ILK: variants seen among roughly 807,000 people sequenced by gnomAD.
ILK encodes the protein integrin linked kinase, also known as scaffold protein ILK.
ILK carries 37 observed loss-of-function variants against 57.8 expected under a neutral mutation model. The observed-to-expected ratio is 0.64, with a 90% CI of 0.49 to 0.84. ILK has a LOEUF of 0.84. ILK is among the 40% of genes least tolerant of loss of function. The probability of loss-of-function intolerance (pLI) is 0.00; values close to 1 mark genes in which losing one functional copy is unlikely to be tolerated. For synonymous variants in ILK, 231 were observed against 202.2 expected, an observed-to-expected ratio of 1.14 and a Z score of -1.21; for missense variants, 528 against 595.7, an observed-to-expected ratio of 0.89 and a Z score of 1.18.
At chr11:6,606,551 G>A (rs2134538923) in intron 2 of ILK, 1 of 146,034 alleles carries the variant, frequency 6.8e-6, no homozygotes, top group African/African-American at 2.5e-5. Context: ...AGTGGGCCTA[G>A]CATCTAGGAA....
chr11:6,604,414 T>C (rs1854615129), intron 2 of ILK, 54 bp downstream of exon 2: 5 of 1,456,222 alleles, frequency 3.4e-6, no homozygotes, highest in Non-Finnish European at 4.7e-6. Context: ...CCTGGCTACG[T>C]GGAGTGGAGT....
Position 6,609,806 on chromosome 11 carries a change from C to T in ILK, c.939C>T (p.Pro313=), listed in dbSNP as rs2134568472. 6.2e-7 allele frequency: 1 copy of T among 1,614,170 alleles called. No homozygotes were observed. Among genetic ancestry groups the T allele is most frequent in the Non-Finnish European group, 8.5e-7 (1 of 1,180,024 alleles). The change falls in exon 10 of 13, where the codon CCC becomes CCT. Residue 313 remains proline, a synonymous_variant. Coordinates refer to ENST00000299421, the MANE Select transcript of ILK (RefSeq NM_004517.4). ...RGMAFLHTLE[P]LIPRHALNSR... is the part of the protein sequence containing the mutation. Reference sequence around the variant, plus strand: ...TGGCCTTCCTACACACACTAGAGCCCCTCATCCCACGACATGCACTCAATA... The same window carrying T: ...TGGCCTTCCTACACACACTAGAGCCTCTCATCCCACGACATGCACTCAATA...
chr11:6,610,003 G>A lies in ILK; in HGVS notation c.1046G>A (p.Arg349His), dbSNP rs377094824. ...DVKFSFQCPG[R>H]MYAPAWVAPE... is the part of the protein sequence containing the mutation. The stretch of plus-strand genomic sequence containing the variant: ...AAGTTCTCTTTCCAATGTCCTGGTC[G>A]CATGTATGCACCTGCCTGGGTAGCC... Residue 349 changes from arginine to histidine, a missense_variant, in exon 11 of 13, where the codon CGC becomes CAC. Physicochemically the swap from Arg to His is conservative, Grantham distance 29. Transcript: ENST00000299421. 63 of 1,614,152 alleles carry A rather than the reference G, an allele frequency of 3.9e-5. No homozygotes were observed. The highest frequency in any genetic ancestry group is 1.3e-4 in the East Asian group (6 of 44,884).
intron 1 of ILK, 69 bp downstream of exon 1, chr11:6,603,891 C>A (rs894035378): frequency 4.8e-6 from 2 of 415,928 alleles, no homozygotes; most frequent in Non-Finnish European, 8.8e-6. Flanking sequence ...AGGAACGGAG[C>A]CAACCCTGGG....
At position 6,609,528 on chromosome 11, in the gene ILK, A is replaced by G; in HGVS notation, c.745A>G (p.Asn249Asp). 4.3e-6 allele frequency: 7 copies of G among 1,614,084 alleles called. No individual in the cohort carries two copies. In the South Asian group the frequency reaches 7.7e-5, roughly 18 times the overall value. Residue 249 changes from asparagine to aspartate, a missense_variant, in exon 9 of 13, where the codon AAT (asparagine) becomes GAT (aspartate). Transcript: ENST00000299421. ...CTCTTCTAGGATTTTCTCGCATCCA[A>G]ATGTGCTCCCAGTGCTAGGTGCCTG... ...CPRLRIFSHPNVLPVLGACQS... is the reference protein window; with the variant it reads ...CPRLRIFSHPDVLPVLGACQS...
intron 2 of ILK, chr11:6,607,700 G>A (rs1176309650): frequency 8.5e-6 from 3 of 352,124 alleles, no homozygotes; most frequent in African/African-American, 6.3e-5. Context: ...TGAAGTAGGG[G>A]GACATATAAG....
In ILK at chr11:6,608,388, G is replaced by A. The variant is rs953851382; in HGVS notation, c.256-6G>A. On this transcript the variant is annotated splice_region_variant and splice_polypyrimidine_tract_variant and intron_variant, in intron 3 of 12. Coordinates refer to ENST00000299421, the MANE Select transcript of ILK (RefSeq NM_004517.4). This position sits in a 1 kb window ranked among gnomAD's most constrained non-coding sequence, Gnocchi z 4.9. ...CCTCTTCTTTTTGTCTGGCCATGGGGTCCAGCTATTGCAGTACAAGGCAGA... is the reference window on the plus strand; with the variant it reads ...CCTCTTCTTTTTGTCTGGCCATGGGATCCAGCTATTGCAGTACAAGGCAGA... The A allele has an allele frequency of 3.1e-6, 5 of 1,612,998 alleles. No homozygotes were observed. The highest frequency in any genetic ancestry group is 4.2e-6 in the Non-Finnish European group (5 of 1,179,064).
intron 2 of ILK, 22 bp downstream of exon 2, chr11:6,604,382 A>G (rs1050874733): frequency 6.3e-7 from 1 of 1,584,950 alleles, no homozygotes; most frequent in African/African-American, 1.3e-5. Flanking sequence ...CGGTTGGTGG[A>G]TGAGAGGAAG....
Position 6,608,712 on chromosome 11 carries a change from G to T in ILK, c.370G>T (p.Ala124Ser), listed in dbSNP as rs745709169. 4.5e-5 allele frequency: 72 copies of T among 1,613,998 alleles called. No individual in the cohort carries two copies. The Middle Eastern group carries it at 6.6e-4, about 15-fold the overall frequency. Reference protein sequence around the residue: ...QVAEDLVANGALVSICNKYGE... With the variant: ...QVAEDLVANGSLVSICNKYGE... ...ATTCCAGGACCTGGTGGCAAATGGG[G>T]CCCTTGTCAGCATCTGTAACAAGTA... The change falls in exon 5 of 13, where the codon GCC becomes TCC. Residue 124 changes from alanine (A) to serine (S), a missense_variant. By Grantham distance (99) the Ala-to-Ser change is moderately conservative (BLOSUM62 1). Coordinates refer to ENST00000299421, the MANE Select transcript of ILK (RefSeq NM_004517.4). This position sits in a 1 kb window ranked among gnomAD's most constrained non-coding sequence, Gnocchi z 4.9.
intron 9 of ILK, 26 bp from the exon 10 acceptor site, chr11:6,609,698 A>G (rs1855307063): frequency 1.4e-5 from 23 of 1,614,158 alleles, no homozygotes; most frequent in Non-Finnish European, 1.9e-5. Flanking sequence ...GCCTCTCTGA[A>G]CTATTTGACT....
chr11:6,604,137 G>A (rs894322823), intron 1 of ILK, 43 bp from the exon 2 acceptor site: 10 of 807,042 alleles, frequency 1.2e-5, no homozygotes, highest in Non-Finnish European at 2.1e-5. Context: ...CGGGGACGCA[G>A]CTCAGGCCCC....
chr11:6,608,162 C>T lies in ILK; in HGVS notation c.206C>T (p.Thr69Ile), dbSNP rs763031937. Residue 69 changes from threonine (T) to isoleucine (I), a missense_variant, in exon 3 of 13, where the codon ACC becomes ATC. Coordinates refer to ENST00000299421, the MANE Select transcript of ILK (RefSeq NM_004517.4). The surrounding 1 kb of genome is among the most constrained non-coding windows in gnomAD (Gnocchi z 4.9). ...AATGTAATGAACCGTGGGGATGACA[C>T]CCCCCTGCATCTGGCAGCCAGTCAT... The part of the protein sequence containing the change: ...RINVMNRGDD[T>I]PLHLAASHGH... 3 of 1,613,828 alleles carry T rather than the reference C, an allele frequency of 1.9e-6. No individual in the cohort carries two copies. Among genetic ancestry groups the T allele is most frequent in the East Asian group, 4.5e-5 (2 of 44,894 alleles).
intron 2 of ILK, among the ~76,000 whole-genome samples, chr11:6,605,265 A>C (rs1327273810): frequency 6.6e-6 from 1 of 152,216 alleles, no homozygotes; most frequent in African/African-American, 2.4e-5. Flanking sequence ...TCATATATAT[A>C]GATGATACTT....
chr11:6,609,582 C>T lies in ILK; in HGVS notation c.799C>T (p.Leu267Phe). Residue 267 changes from leucine (L) to phenylalanine (F), a missense_variant, in exon 9 of 13, where the codon CTC becomes TTC. Physicochemically the swap from Leu to Phe is conservative, Grantham distance 22 (BLOSUM62 0). Transcript: ENST00000299421. ...GTCTCCACCTGCTCCTCATCCTACTCTCATCACACACTGGATGCCGTATGG... is the reference window on the plus strand; with the variant it reads ...GTCTCCACCTGCTCCTCATCCTACTTTCATCACACACTGGATGCCGTATGG... ...CQSPPAPHPT[L>F]ITHWMPYGSL... The T allele has an allele frequency of 2.5e-6, 4 of 1,614,178 alleles. No homozygotes were observed. The highest frequency in any genetic ancestry group is 1.3e-5 in the African/African-American group (1 of 75,052).
chr11:6,604,487 G>A, intron 2 of ILK, 127 bp downstream of exon 2: 1 of 823,440 alleles, frequency 1.2e-6, no homozygotes. Flanking sequence ...AGCATAGCCT[G>A]TGGGGGGCAG....
rs1397042828 is a variant in ILK, at chr11:6,608,380, G to T, written c.256-14G>T. 9 of 1,612,040 alleles carry T rather than the reference G, an allele frequency of 5.6e-6. No homozygotes were observed. The Middle Eastern group carries it at 4.9e-4, about 88-fold the overall frequency. ...ACTTTCTGCCTCTTCTTTTTGTCTGGCCATGGGGTCCAGCTATTGCAGTAC... is the reference window on the plus strand; with the variant it reads ...ACTTTCTGCCTCTTCTTTTTGTCTGTCCATGGGGTCCAGCTATTGCAGTAC... On this transcript the variant is annotated splice_polypyrimidine_tract_variant and intron_variant, in intron 3 of 12. Coordinates refer to ENST00000299421, the MANE Select transcript of ILK (RefSeq NM_004517.4). The surrounding 1 kb of genome is among the most constrained non-coding windows in gnomAD (Gnocchi z 4.9).
chr11:6,603,978 G>A (rs984986158), intron 1 of ILK, 156 bp downstream of exon 1: 1 of 546,730 alleles, frequency 1.8e-6, no homozygotes, highest in Non-Finnish European at 3.3e-6. Flanking sequence ...TCGCGGATAG[G>A]GTCTAGTTGC....
Position 6,610,598 on chromosome 11 carries a change from TGCAGGACAA to T in ILK, c.1348_1356del (p.Gln450_Lys452del). 1 of 1,614,218 alleles carries T rather than the reference TGCAGGACAA, an allele frequency of 6.2e-7. No homozygotes were observed. Among genetic ancestry groups the T allele is most frequent in the Non-Finnish European group, 8.5e-7 (1 of 1,180,028 alleles). ...ATGATTGTGCCTATCCTTGAGAAGA[TGCAGGACAA>T]GTAGGACTGGAAGGTCCTTGCCTGA... On this transcript the variant is annotated inframe_deletion, in exon 13 of 13. Transcript: ENST00000299421.
rs758462999 is a variant in ILK, at chr11:6,609,316, G to T, written c.636G>T (p.Trp212Cys). The T allele has an allele frequency of 1.4e-5, 23 of 1,614,150 alleles. No individual in the cohort carries two copies. The highest frequency in any genetic ancestry group is 1.8e-5 in the Non-Finnish European group (21 of 1,180,026). ...NHSGELWKGR[W>C]QGNDIVVKVL... ...TCCTGCAGCTATGGAAGGGCCGCTG[G>T]CAGGGCAATGACATTGTCGTGAAGG... is the stretch of plus-strand genomic sequence containing the variant. Residue 212 changes from tryptophan (W) to cysteine (C), a missense_variant, in exon 8 of 13, where the codon TGG (tryptophan) becomes TGT (cysteine). Physicochemically the swap from Trp to Cys is radical, Grantham distance 215 (BLOSUM62 -2). Transcript: ENST00000299421.
Sources: allele counts gnomAD v4.1 joint callset (sites outside exome capture counted in the v4.1 genomes callset), GRCh38; gene constraint gnomAD v4.1.1; non-coding constraint Gnocchi (gnomAD v3.1); transcripts MANE v1.5; gene names NCBI Gene and HGNC (gene_info 2026-07-23, HGNC 2026-07-21).